Variants in RAB2A observed in about 807,000 individuals in gnomAD.
RAB2A encodes the protein RAB2A, member RAS oncogene family.
Under a neutral mutation model 32.5 loss-of-function variants are expected in RAB2A, and 7 were observed. The observed-to-expected ratio is 0.22, with a 90% CI of 0.12 to 0.40. The LOEUF (loss-of-function observed/expected upper bound fraction) is 0.40. Ranked by LOEUF, RAB2A falls within the 10% of genes least tolerant of loss-of-function variation. The pLI is 1.00. For missense variants in RAB2A, 108 were observed against 260.7 expected, an observed-to-expected ratio of 0.41 and a Z score of 4.03; for synonymous variants, 79 against 85.2, an observed-to-expected ratio of 0.93 and a Z score of 0.40.
intron 3 of RAB2A, among the ~76,000 whole-genome samples, chr8:60,581,559 G>A (rs1363904242): frequency 6.6e-6 from 1 of 152,178 alleles, no homozygotes; most frequent in Non-Finnish European, 1.5e-5. Context: ...ACCTTAGAAA[G>A]CAAAACCTCA....
chr8:60,620,625 A>G (rs1176259212), intron 7 of RAB2A, 49 bp from the exon 8 acceptor site: 3 of 1,340,112 alleles, frequency 2.2e-6, no homozygotes, highest in Middle Eastern at 2.0e-4. Flanking sequence ...AGAATTAGTT[A>G]AACTATATTG....
chr8:60,536,304 TTAATC>T (rs1316729756), intron 1 of RAB2A, among the ~76,000 whole-genome samples: 1 of 142,950 alleles, frequency 7.0e-6, no homozygotes, highest in African/African-American at 2.6e-5. Context: ...TCTTGTTAAT[TTAATC>T]TGTCAATTGC....
intron 6 of RAB2A, among the ~76,000 whole-genome samples, chr8:60,611,106 A>T (rs1804338852): frequency 6.6e-6 from 1 of 152,204 alleles, no homozygotes; most frequent in Non-Finnish European, 1.5e-5. Context: ...ATTAGGTTTG[A>T]GCTTTGCCAT....
chr8:60,574,883 T>C (rs937421678), intron 3 of RAB2A, among the ~76,000 whole-genome samples: 1 of 152,168 alleles, frequency 6.6e-6, no homozygotes, highest in Admixed American at 6.5e-5. Flanking sequence ...TTTCCTCTAT[T>C]TCTGAGAGAG....
chr8:60,570,597 TA>T (rs895202649), intron 2 of RAB2A, among the ~76,000 whole-genome samples: 1 of 152,234 alleles, frequency 6.6e-6, no homozygotes, highest in African/African-American at 2.4e-5. Context: ...CATATATATG[TA>T]AACACTGTAA....
chr8:60,535,015 T>C (rs956503741), intron 1 of RAB2A, among the ~76,000 whole-genome samples: 1 of 152,208 alleles, frequency 6.6e-6, no homozygotes, highest in Non-Finnish European at 1.5e-5. Context: ...ATGTTGGACT[T>C]AAGTGTCACT....
chr8:60,561,913 C>G (rs923871037), intron 2 of RAB2A, among the ~76,000 whole-genome samples: 13 of 152,142 alleles, frequency 8.5e-5, no homozygotes, highest in Admixed American at 3.9e-4. Flanking sequence ...GATCAGTTCT[C>G]TACTCTGTTT....
At chr8:60,578,476 G>T (rs1275159025) in intron 3 of RAB2A, among the ~76,000 whole-genome samples, 2 of 152,136 alleles carry the variant, frequency 1.3e-5, no homozygotes, top group Non-Finnish European at 2.9e-5. Flanking sequence ...AGAAAATAGT[G>T]TTTCAGGCAA....
chr8:60,606,244 T>C (rs928354196), intron 6 of RAB2A, among the ~76,000 whole-genome samples: 1 of 152,090 alleles, frequency 6.6e-6, no homozygotes, highest in Admixed American at 6.6e-5. Flanking sequence ...AATACATGTA[T>C]ATAAAATGCT....
chr8:60,522,704 A>G (rs1807319252), intron 1 of RAB2A, among the ~76,000 whole-genome samples: 1 of 152,094 alleles, frequency 6.6e-6, no homozygotes, highest in Admixed American at 6.6e-5. Context: ...AAGGGGAGGT[A>G]AGGAGCAAAG....
intron 1 of RAB2A, among the ~76,000 whole-genome samples, chr8:60,519,381 T>A (rs1807266078): frequency 6.6e-6 from 1 of 152,198 alleles, no homozygotes; most frequent in African/African-American, 2.4e-5. Context: ...GATTTTGGTG[T>A]TTTTTTCCTG....
At chr8:60,597,875 A>G (rs762317196) in intron 6 of RAB2A, among the ~76,000 whole-genome samples, 31 of 152,240 alleles carry the variant, frequency 2.0e-4, no homozygotes, top group Non-Finnish European at 4.0e-4. Flanking sequence ...TCCAGACATA[A>G]AAGAGGTAAT....
intron 3 of RAB2A, among the ~76,000 whole-genome samples, chr8:60,573,302 G>T (rs1808223652): frequency 6.6e-6 from 1 of 152,144 alleles, no homozygotes; most frequent in South Asian, 2.1e-4. Flanking sequence ...TATACCCGTG[G>T]CCTATTTTTC....
intron 1 of RAB2A, among the ~76,000 whole-genome samples, chr8:60,551,410 A>G (rs1722383166): frequency 6.6e-6 from 1 of 152,240 alleles, no homozygotes; most frequent in African/African-American, 2.4e-5. Flanking sequence ...TTTACTATTG[A>G]TGGTAGCAAC....
chr8:60,560,415 C>T (rs1425336925), intron 2 of RAB2A, among the ~76,000 whole-genome samples: 2 of 152,186 alleles, frequency 1.3e-5, no homozygotes, highest in African/African-American at 2.4e-5. Context: ...TCGCTGCCCT[C>T]TCTATAGGAT....
At chr8:60,541,179 T>C (rs1285742087) in intron 1 of RAB2A, among the ~76,000 whole-genome samples, 5 of 152,114 alleles carry the variant, frequency 3.3e-5, no homozygotes, top group African/African-American at 4.8e-5. Flanking sequence ...ATGAAAAAAT[T>C]AGACAAATTT....
intron 6 of RAB2A, among the ~76,000 whole-genome samples, chr8:60,614,740 A>G (rs1288967737): frequency 6.6e-6 from 1 of 152,220 alleles, no homozygotes; most frequent in Non-Finnish European, 1.5e-5. Context: ...TATCATTCAG[A>G]TTAACTGCTG....
chr8:60,590,228 G>A (rs536114444), intron 5 of RAB2A, among the ~76,000 whole-genome samples: 99 of 148,736 alleles, frequency 6.7e-4, no homozygotes, highest in African/African-American at 2.5e-3. Flanking sequence ...CCAAAGTGCC[G>A]TAATTACAGG....
chr8:60,577,677 G>A (rs1348603202), intron 3 of RAB2A, among the ~76,000 whole-genome samples: 5 of 151,582 alleles, frequency 3.3e-5, no homozygotes, highest in Non-Finnish European at 7.4e-5. Context: ...AGGCTGGAGT[G>A]CAGTGGCGTG....
Sources: allele counts gnomAD v4.1 joint callset (sites outside exome capture counted in the v4.1 genomes callset), GRCh38; gene constraint gnomAD v4.1.1; transcripts MANE v1.5; gene names NCBI Gene and HGNC (gene_info 2026-07-23, HGNC 2026-07-21).